Variants in PRORP observed in about 807,000 individuals in gnomAD.
The protein encoded by PRORP is protein only RNase P catalytic subunit.
A neutral mutation model predicts 59.4 loss-of-function variants in PRORP; 51 were observed. That is an observed-to-expected ratio of 0.86 (90% CI 0.69 to 1.08). The LOEUF (loss-of-function observed/expected upper bound fraction) is 1.08. Ranked by LOEUF, PRORP falls within the 50% of genes least tolerant of loss-of-function variation. The probability of loss-of-function intolerance (pLI) is 0.00; values close to 1 mark genes in which losing one functional copy is unlikely to be tolerated. For missense variants in PRORP, 646 were observed against 690.3 expected, an observed-to-expected ratio of 0.94 and a Z score of 0.72; for synonymous variants, 231 against 245.6, an observed-to-expected ratio of 0.94 and a Z score of 0.55.
chr14:35,270,450 C>A lies in PRORP; in HGVS notation c.1474C>A (p.His492Asn). 1 of 1,614,130 alleles carries A rather than the reference C, an allele frequency of 6.2e-7. No individual in the cohort carries two copies. The highest frequency in any genetic ancestry group is 8.5e-7 in the Non-Finnish European group (1 of 1,180,036). The change falls in exon 7 of 8, where the codon CAC (histidine) becomes AAC (asparagine). Residue 492 changes from histidine (H) to asparagine (N), a missense_variant. Transcript: ENST00000534898. The part of the protein sequence containing the change: ...LLYATLHSGN[H>N]CRFITRDLMR... Reference sequence around the variant, plus strand: ...GTATGCCACACTGCACTCCGGGAATCACTGCAGGTTTATCACAAGAGACCT... The same window carrying A: ...GTATGCCACACTGCACTCCGGGAATAACTGCAGGTTTATCACAAGAGACCT...
intron 4 of PRORP, among the ~76,000 whole-genome samples, chr14:35,157,056 C>T (rs549151169): frequency 1.6e-3 from 247 of 150,900 alleles, no homozygotes; most frequent in Non-Finnish European, 3.1e-3. Flanking sequence ...CCTGGGTTCA[C>T]GCCATTCTCC....
intron 5 of PRORP, among the ~76,000 whole-genome samples, chr14:35,243,321 C>T (rs545552572): frequency 6.6e-6 from 1 of 152,136 alleles, no homozygotes; most frequent in East Asian, 1.9e-4. Flanking sequence ...CTCTTGAGCC[C>T]AGGAGTTTGA....
At chr14:35,241,797 C>T (rs142894240) in intron 5 of PRORP, among the ~76,000 whole-genome samples, 18 of 152,300 alleles carry the variant, frequency 1.2e-4, no homozygotes, top group African/African-American at 4.3e-4. Flanking sequence ...ATTCTCTCAA[C>T]ATACCGTAAC....
chr14:35,218,459 TAAAAAAAGAAAAAA>T (rs2049667917), intron 5 of PRORP, among the ~76,000 whole-genome samples: 2 of 44,774 alleles, frequency 4.5e-5, no homozygotes, highest in African/African-American at 2.1e-4. Context: ...AGATCCTGTC[TAAAAAAAGAAAAAA>T]AAAAAAAAAA....
chr14:35,217,355 A>C (rs1412014232), intron 5 of PRORP, among the ~76,000 whole-genome samples: 1 of 151,812 alleles, frequency 6.6e-6, no homozygotes, highest in Non-Finnish European at 1.5e-5. Flanking sequence ...ACAAAAATTA[A>C]CCTGGCGTGG....
At chr14:35,189,339 TTGGGATTATGGGTGTGAGCCA>T (rs2048825123) in intron 5 of PRORP, among the ~76,000 whole-genome samples, 1 of 152,042 alleles carries the variant, frequency 6.6e-6, no homozygotes, top group Non-Finnish European at 1.5e-5. Context: ...TCCCAAAGTG[TTGGGATTATGGGTGTGAGCCA>T]TGGTGCCCAG....
At chr14:35,230,433 T>C (rs1466470530) in intron 5 of PRORP, among the ~76,000 whole-genome samples, 7 of 152,224 alleles carry the variant, frequency 4.6e-5, no homozygotes, top group African/African-American at 1.4e-4. Flanking sequence ...TCTACAGTTA[T>C]AGGGTCAATC....
At chr14:35,239,255 G>T (rs1408990489) in intron 5 of PRORP, among the ~76,000 whole-genome samples, 1 of 151,934 alleles carries the variant, frequency 6.6e-6, no homozygotes, top group Non-Finnish European at 1.5e-5. Context: ...CGACTTGGGA[G>T]GCTGAGGCAG....
intron 2 of PRORP, 173 bp downstream of exon 2, chr14:35,124,404 A>T: frequency 2.5e-6 from 1 of 393,342 alleles, no homozygotes; most frequent in Non-Finnish European, 4.5e-6. Context: ...AGTAGCTAAA[A>T]CCACAGGCAT....
chr14:35,173,167 C>G (rs2048363621), intron 4 of PRORP, among the ~76,000 whole-genome samples: 1 of 152,142 alleles, frequency 6.6e-6, no homozygotes, highest in Admixed American at 6.6e-5. Context: ...TGTGCCCAGC[C>G]CAGATTAGTT....
At chr14:35,159,670 A>G (rs2048010460) in intron 4 of PRORP, among the ~76,000 whole-genome samples, 1 of 152,222 alleles carries the variant, frequency 6.6e-6, no homozygotes, top group Non-Finnish European at 1.5e-5. Flanking sequence ...CAGTGCTTAC[A>G]TTTATTATGT....
Position 35,238,310 on chromosome 14 carries a change from C to A in PRORP, c.1276-28417C>A, listed in dbSNP as rs149549650. 2.5e-3 allele frequency among the ~76,000 whole-genome samples: 376 copies of A among 152,278 alleles called. 1 individual carries two copies. Among genetic ancestry groups the A allele is most frequent in the African/African-American group, 8.6e-3 (358 of 41,546 alleles). On this transcript the variant is annotated intron_variant, in intron 5 of 7. Coordinates refer to ENST00000534898, the MANE Select transcript of PRORP (RefSeq NM_014672.4). ...TGGTATGCATTTGTAATTCCCAAAC[C>A]CACATATCTAGACCGCCCCTCACTG...
At chr14:35,251,245 C>T (rs2050605454) in intron 5 of PRORP, among the ~76,000 whole-genome samples, 1 of 152,116 alleles carries the variant, frequency 6.6e-6, no homozygotes, top group Non-Finnish European at 1.5e-5. Flanking sequence ...TATATATATG[C>T]CACAGTTCTT....
At chr14:35,122,023 C>T (rs376842813), upstream of PRORP, 7 of 1,576,554 alleles carry the variant, frequency 4.4e-6, no homozygotes, top group Admixed American at 1.7e-5. Flanking sequence ...CCTACCAGCT[C>T]AGGCGTCAGC....
intron 5 of PRORP, among the ~76,000 whole-genome samples, chr14:35,186,552 C>T (rs1227246974): frequency 6.6e-6 from 1 of 151,782 alleles, no homozygotes; most frequent in Non-Finnish European, 1.5e-5. Context: ...TGGTCCCTGG[C>T]AACCACTAGT....
intron 6 of PRORP, among the ~76,000 whole-genome samples, chr14:35,267,416 G>A (rs2051068106): frequency 6.6e-6 from 1 of 152,140 alleles, no homozygotes; most frequent in Non-Finnish European, 1.5e-5. Flanking sequence ...TTCTGAGGGG[G>A]CAGATTCGAT....
chr14:35,135,906 T>C lies in PRORP; in HGVS notation c.1167+8295T>C, dbSNP rs560771699. Among the ~76,000 whole-genome samples the C allele has an allele frequency of 1.1e-4, 16 of 148,854 alleles. No homozygotes were observed. In the Admixed American group the frequency reaches 1.1e-3, roughly 10 times the overall value. On this transcript the variant is annotated intron_variant, in intron 4 of 7. Transcript: ENST00000534898. ...CTGGGAGGCGGAGGTTGCAGTGAGCTGAGATCATGCCACTGCACTCCAGCC... is the reference window on the plus strand; with the variant it reads ...CTGGGAGGCGGAGGTTGCAGTGAGCCGAGATCATGCCACTGCACTCCAGCC...
At chr14:35,159,571 A>AG (rs1162942804) in intron 4 of PRORP, among the ~76,000 whole-genome samples, 1 of 152,198 alleles carries the variant, frequency 6.6e-6, no homozygotes, top group East Asian at 1.9e-4. Flanking sequence ...AGAAACTCTG[A>AG]GGGACAGGAC....
intron 4 of PRORP, among the ~76,000 whole-genome samples, chr14:35,172,488 C>CCTCT (rs1566474567): frequency 6.7e-5 from 7 of 104,454 alleles, no homozygotes; most frequent in African/African-American, 1.1e-4. Flanking sequence ...CTTTCTTTCC[C>CCTCT]TTCCTCTCTC....
Sources: allele counts gnomAD v4.1 joint callset (sites outside exome capture counted in the v4.1 genomes callset), GRCh38; gene constraint gnomAD v4.1.1; transcripts MANE v1.5; gene names NCBI Gene and HGNC (gene_info 2026-07-23, HGNC 2026-07-21).